Variants in WDPCP observed in about 807,000 individuals in gnomAD.
WDPCP encodes WD repeat containing planar cell polarity effector, also known as WD repeat-containing and planar cell polarity effector protein fritz homolog.
WDPCP carries 71 observed loss-of-function variants against 93.1 expected under a neutral mutation model. The observed-to-expected ratio is 0.76, with a 90% CI of 0.63 to 0.93. The LOEUF is 0.93. WDPCP is among the 40% of genes least tolerant of loss of function. The pLI, the probability that WDPCP is intolerant of heterozygous loss-of-function variation, is 0.00. For missense variants in WDPCP, 844 were observed against 887.4 expected, an observed-to-expected ratio of 0.95 and a Z score of 0.62; for synonymous variants, 315 against 315.0, an observed-to-expected ratio of 1.00 and a Z score of 0.00.
upstream of WDPCP, among the ~76,000 whole-genome samples, chr2:63,830,782 A>G (rs1489977428): frequency 3.3e-5 from 5 of 151,966 alleles, no homozygotes; most frequent in Admixed American, 3.3e-4. Context: ...TCCTTTTTCT[A>G]TGTGACCTCT....
At chr2:63,838,066 G>C in the WDPCP span, among the ~76,000 whole-genome samples, 3 of 152,114 alleles carry the variant, frequency 2.0e-5, no homozygotes, top group African/African-American at 7.2e-5. Context: ...CTGCACTCCA[G>C]CCTGGGTGAC....
At chr2:63,373,222 A>G (rs371348320) in intron 12 of WDPCP, among the ~76,000 whole-genome samples, 7 of 150,128 alleles carry the variant, frequency 4.7e-5, no homozygotes, top group South Asian at 2.1e-4. Context: ...ATTCTCTGAC[A>G]TTTAAATTTT....
intron 1 of WDPCP, among the ~76,000 whole-genome samples, chr2:63,532,258 G>A (rs2106244203): frequency 6.6e-6 from 1 of 152,270 alleles, no homozygotes; most frequent in East Asian, 1.9e-4. Flanking sequence ...AAAGTGATGG[G>A]GAGATGGAAC....
intron 14 of WDPCP, among the ~76,000 whole-genome samples, chr2:63,205,924 CG>C (rs1559201925): frequency 3.9e-5 from 6 of 152,128 alleles, no homozygotes. Flanking sequence ...GAAAGGCTTT[CG>C]TTTTTTTCTC....
chr2:63,684,719 C>G (rs1156868169), intron 2 of WDPCP: 3 of 635,726 alleles, frequency 4.7e-6, no homozygotes, highest in South Asian at 4.2e-5. Flanking sequence ...GTTTTAGATG[C>G]TTTGTTTTGG....
chr2:63,334,931 C>T (rs7561802), intron 12 of WDPCP, among the ~76,000 whole-genome samples: 121,857 of 152,120 alleles, frequency 0.8, 49,679 homozygotes, highest in East Asian at 0.96. Flanking sequence ...CTGTTGACTT[C>T]TACCCTGACA....
intron 13 of WDPCP, among the ~76,000 whole-genome samples, chr2:63,263,724 T>C (rs2104803105): frequency 6.6e-6 from 1 of 152,208 alleles, no homozygotes; most frequent in South Asian, 2.1e-4. Context: ...TTTATGTCCT[T>C]TACCTGAGTA....
At chr2:63,551,415 C>CTT (rs1408103436) in intron 1 of WDPCP, among the ~76,000 whole-genome samples, 1 of 152,122 alleles carries the variant, frequency 6.6e-6, no homozygotes, top group African/African-American at 2.4e-5. Flanking sequence ...AGTTCTCACT[C>CTT]TGAGTTCAAG....
chr2:63,543,423 A>G (rs1704896720), intron 1 of WDPCP, among the ~76,000 whole-genome samples: 1 of 152,152 alleles, frequency 6.6e-6, no homozygotes, highest in African/African-American at 2.4e-5. Context: ...AATGTAACAG[A>G]AACATTATTC....
At chr2:63,767,535 T>C (rs1364536483) in intron 2 of WDPCP, among the ~76,000 whole-genome samples, 1 of 152,128 alleles carries the variant, frequency 6.6e-6, no homozygotes, top group African/African-American at 2.4e-5. Context: ...ATTTTAGACA[T>C]TCTAGTGGGT....
chr2:63,755,073 T>C (rs535984077), intron 2 of WDPCP, among the ~76,000 whole-genome samples: 5 of 152,300 alleles, frequency 3.3e-5, no homozygotes, highest in African/African-American at 1.2e-4. Context: ...GCTGTTGGAA[T>C]GCCCTCATGA....
chr2:63,410,261 T>C (rs776909859), intron 9 of WDPCP, among the ~76,000 whole-genome samples: 20 of 152,186 alleles, frequency 1.3e-4, no homozygotes, highest in Admixed American at 5.2e-4. Flanking sequence ...TTGTATCCAT[T>C]GAAACTAAGT....
intron 3 of WDPCP, chr2:63,622,780 C>G (rs1412260006): frequency 1.2e-6 from 2 of 1,612,366 alleles, no homozygotes; most frequent in African/African-American, 1.3e-5. Context: ...GCGGCGAACA[C>G]TTGGTCCCAG....
At chr2:63,197,193 G>A (rs78427062) in intron 14 of WDPCP, among the ~76,000 whole-genome samples, 1,796 of 149,316 alleles carry the variant, frequency 0.012, 37 homozygotes, top group African/African-American at 0.042. Context: ...AAGACAACAC[G>A]GATGAAGACC....
chr2:63,128,346 T>A (rs900492177), intron 17 of WDPCP, among the ~76,000 whole-genome samples: 2 of 152,148 alleles, frequency 1.3e-5, no homozygotes, highest in African/African-American at 4.8e-5. Context: ...CCTATTAAAG[T>A]TTAAAAGATA....
At chr2:63,380,235 T>G (rs1187398804) in intron 11 of WDPCP, among the ~76,000 whole-genome samples, 1 of 152,086 alleles carries the variant, frequency 6.6e-6, no homozygotes, top group East Asian at 1.9e-4. Flanking sequence ...AAATTTTTTC[T>G]TTCATTTTTT....
At position 63,404,483 on chromosome 2, in the gene WDPCP, T is replaced by C. The variant is rs1434318883; in HGVS notation, c.1000A>G (p.Ile334Val). The change falls in exon 10 of 18, where the codon ATA becomes GTA. Residue 334 changes from isoleucine (I) to valine (V), a missense_variant. Coordinates refer to ENST00000272321, the MANE Select transcript of WDPCP (RefSeq NM_015910.7). ...CTGATGGCCTTTGACTTTAGTGGTA[T>C]TCTGGTGACTGACACACACTGGATT... is the stretch of plus-strand genomic sequence containing the variant. The part of the protein sequence containing the change: ...NKIQCVSVTR[I>V]PLKSKAISCC... 6.2e-7 allele frequency: 1 copy of C among 1,614,036 alleles called. No homozygotes were observed. The highest frequency in any genetic ancestry group is 1.3e-5 in the African/African-American group (1 of 74,938).
chr2:63,353,105 G>A (rs1375126559), intron 12 of WDPCP, among the ~76,000 whole-genome samples: 1 of 152,150 alleles, frequency 6.6e-6, no homozygotes, highest in African/African-American at 2.4e-5. Flanking sequence ...GTGAATGAAT[G>A]TGTGACCCCA....
At chr2:63,734,858 GAGATAGAT>G (rs148524714) in intron 2 of WDPCP, among the ~76,000 whole-genome samples, 2 of 136,044 alleles carry the variant, frequency 1.5e-5, no homozygotes, top group Non-Finnish European at 3.1e-5. Flanking sequence ...TAGATAGATG[GAGATAGAT>G]AGATAGACAG....
Sources: allele counts gnomAD v4.1 joint callset (sites outside exome capture counted in the v4.1 genomes callset), GRCh38; gene constraint gnomAD v4.1.1; transcripts MANE v1.5; gene names NCBI Gene and HGNC (gene_info 2026-07-23, HGNC 2026-07-21).